Variants in USP10 observed in about 807,000 individuals in gnomAD.
USP10 encodes the protein ubiquitin carboxyl-terminal hydrolase 10.
In USP10, 22 loss-of-function variants were observed where a neutral mutation model predicts 84.5. The ratio of observed to expected loss-of-function variants is 0.26; its 90% CI spans 0.19 to 0.37. USP10 has a LOEUF of 0.37. Ranked by LOEUF, USP10 falls within the 10% of genes least tolerant of loss-of-function variation. The pLI is 1.00. For synonymous variants in USP10, 454 were observed against 387.6 expected (o/e 1.17, Z -2.01); for missense variants, 1,019 against 998.9 (o/e 1.02, Z -0.27).
chr16:84,722,122 C>T (rs978177704), intron 1 of USP10, among the ~76,000 whole-genome samples: 1 of 152,354 alleles, frequency 6.6e-6, no homozygotes, highest in Non-Finnish European at 1.5e-5. Context: ...CTTGTCCAGG[C>T]AGCTAGTGGT....
intron 2 of USP10, among the ~76,000 whole-genome samples, chr16:84,734,357 A>T (rs1056289406): frequency 6.6e-6 from 1 of 152,202 alleles, no homozygotes; most frequent in Admixed American, 6.5e-5. Context: ...GTTTTAATTT[A>T]CATCTCCCAG....
chr16:84,760,376 G>A (rs186235028), intron 8 of USP10, 101 bp downstream of exon 8: 27 of 1,012,810 alleles, frequency 2.7e-5, no homozygotes, highest in Non-Finnish European at 3.8e-5. Context: ...TGTCTCCAGC[G>A]CTATAAGTAG....
chr16:84,774,534 G>A (rs1181584677), intron 12 of USP10, among the ~76,000 whole-genome samples: 4 of 151,648 alleles, frequency 2.6e-5, no homozygotes, highest in Non-Finnish European at 4.4e-5. Flanking sequence ...GCAGTGGCGC[G>A]ATCTCGGCTC....
At chr16:84,744,550 A>C in intron 3 of USP10, 83 bp from the exon 4 acceptor site, 1 of 1,314,142 alleles carries the variant, frequency 7.6e-7, no homozygotes, top group Non-Finnish European at 1.0e-6. Flanking sequence ...TAAGGTTTTT[A>C]TTTTCAAAGA....
intron 4 of USP10, among the ~76,000 whole-genome samples, chr16:84,757,483 T>C (rs1436138511): frequency 6.6e-6 from 1 of 151,546 alleles, no homozygotes; most frequent in Non-Finnish European, 1.5e-5. Context: ...ATTTGATTAG[T>C]GCCGAAGTCT....
intron 13 of USP10, among the ~76,000 whole-genome samples, chr16:84,776,806 T>C (rs772482757): frequency 6.6e-6 from 1 of 152,146 alleles, no homozygotes; most frequent in Non-Finnish European, 1.5e-5. Flanking sequence ...TCCTGAATCC[T>C]CATCCCCTAA....
chr16:84,737,616 C>CTGAA (rs1475482069), intron 2 of USP10, among the ~76,000 whole-genome samples: 5 of 152,238 alleles, frequency 3.3e-5, no homozygotes, highest in African/African-American at 9.6e-5. Context: ...AGCATGCTTA[C>CTGAA]TGAAGGTGGC....
rs761907904 is a variant in USP10, at chr16:84,758,673, T to A, written c.1193-43T>A. ...GTGAAATGATTTGAATGTTCTTCAC[T>A]AGATGTCATCAATTTCTGAAATATG... On this transcript the variant is annotated intron_variant, in intron 4 of 13. Coordinates refer to ENST00000219473, the MANE Select transcript of USP10 (RefSeq NM_005153.3). 3 of 1,338,518 alleles carry A rather than the reference T, an allele frequency of 2.2e-6. No individual in the cohort carries two copies. In the South Asian group the frequency reaches 3.5e-5, roughly 16 times the overall value. The allele number at this position is 1,338,518 out of a possible 1,614,324, so 82.9% of individuals were successfully genotyped here.
intron 1 of USP10, 151 bp from the exon 2 acceptor site, chr16:84,733,284 T>C: frequency 1.6e-6 from 1 of 631,432 alleles, no homozygotes; most frequent in Admixed American, 2.8e-5. Flanking sequence ...AACCTAGAAC[T>C]CTGAGTTGCA....
chr16:84,759,198 AC>A (rs1478290542), intron 5 of USP10, 164 bp from the exon 6 acceptor site: 2 of 664,514 alleles, frequency 3.0e-6, no homozygotes, highest in African/African-American at 1.8e-5. Context: ...CAGGACACTT[AC>A]CCTAGTAACT....
At chr16:84,729,068 G>C (rs1205961374) in intron 1 of USP10, among the ~76,000 whole-genome samples, 6 of 152,182 alleles carry the variant, frequency 3.9e-5, no homozygotes, top group African/African-American at 1.4e-4. Flanking sequence ...GAAGTGACGA[G>C]ATTACAAGCG....
At chr16:84,737,210 A>G (rs1489690263) in intron 2 of USP10, among the ~76,000 whole-genome samples, 2 of 152,212 alleles carry the variant, frequency 1.3e-5, no homozygotes, top group Non-Finnish European at 2.9e-5. Context: ...TCCTATAGCC[A>G]CGGGCCCAGG....
chr16:84,750,061 G>T (rs1047375722), intron 4 of USP10, among the ~76,000 whole-genome samples: 1 of 152,160 alleles, frequency 6.6e-6, no homozygotes, highest in African/African-American at 2.4e-5. Context: ...CTGTGTTTCA[G>T]TGACTGGTCT....
intron 12 of USP10, among the ~76,000 whole-genome samples, chr16:84,774,182 A>C (rs1914736529): frequency 6.6e-6 from 1 of 151,896 alleles, no homozygotes; most frequent in East Asian, 2.0e-4. Flanking sequence ...CCTGGGAAGC[A>C]GAGGTTGCTG....
At chr16:84,718,121 G>T (rs574244037) in intron 1 of USP10, among the ~76,000 whole-genome samples, 1 of 152,336 alleles carries the variant, frequency 6.6e-6, no homozygotes, top group South Asian at 2.1e-4. Context: ...TCTTGGATTG[G>T]AAGGTTATTT....
chr16:84,736,594 A>G (rs1459799112), intron 2 of USP10, among the ~76,000 whole-genome samples: 1 of 152,206 alleles, frequency 6.6e-6, no homozygotes, highest in Non-Finnish European at 1.5e-5. Flanking sequence ...TAATCCTGTT[A>G]TTTATGTTCA....
intron 10 of USP10, among the ~76,000 whole-genome samples, chr16:84,766,945 C>CG (rs1334779833): frequency 6.6e-6 from 1 of 152,100 alleles, no homozygotes; most frequent in Non-Finnish European, 1.5e-5. Flanking sequence ...AAGACTTCCC[C>CG]GCCTTTCTTC....
intron 11 of USP10, among the ~76,000 whole-genome samples, chr16:84,768,991 C>T (rs1351588476): frequency 6.6e-6 from 1 of 152,156 alleles, no homozygotes; most frequent in African/African-American, 2.4e-5. Flanking sequence ...TTATTAGTTC[C>T]TGGCTGTCCA....
intron 11 of USP10, among the ~76,000 whole-genome samples, chr16:84,769,362 GA>G (rs1474847969): frequency 4.6e-5 from 7 of 152,136 alleles, no homozygotes; most frequent in Non-Finnish European, 7.4e-5. Context: ...GCTCTGGGGG[GA>G]TCAGTAGAAG....
Sources: allele counts gnomAD v4.1 joint callset (sites outside exome capture counted in the v4.1 genomes callset), GRCh38; gene constraint gnomAD v4.1.1; transcripts MANE v1.5; gene names NCBI Gene and HGNC (gene_info 2026-07-23, HGNC 2026-07-21).